Variants in CEP128 observed in about 807,000 individuals in gnomAD.
CEP128 encodes the protein centrosomal protein 128kDa.
In CEP128, 132 loss-of-function variants were observed where a neutral mutation model predicts 156.7. That is an observed-to-expected ratio of 0.84 (90% CI 0.73 to 0.97). The LOEUF is 0.97. Ranked by LOEUF, CEP128 falls within the 50% of genes least tolerant of loss-of-function variation. The probability of loss-of-function intolerance (pLI) is 0.00; values close to 1 mark genes in which losing one functional copy is unlikely to be tolerated. For synonymous variants in CEP128, 469 were observed against 448.9 expected (o/e 1.04, Z -0.57); for missense variants, 1,252 against 1,281.9 (o/e 0.98, Z 0.36).
At chr14:80,831,723 C>G (rs1437588231) in intron 12 of CEP128, among the ~76,000 whole-genome samples, 1 of 152,006 alleles carries the variant, frequency 6.6e-6, no homozygotes, top group Non-Finnish European at 1.5e-5. Context: ...TTGTGTATGA[C>G]CAACCAATTT....
intron 19 of CEP128, among the ~76,000 whole-genome samples, chr14:80,724,759 TA>T (rs1199362807): frequency 1.3e-5 from 2 of 151,936 alleles, no homozygotes; most frequent in Non-Finnish European, 2.9e-5. Context: ...AAGATGTTTA[TA>T]AATGTGTTTT....
intron 19 of CEP128, among the ~76,000 whole-genome samples, chr14:80,655,424 C>G (rs1177514765): frequency 6.6e-6 from 1 of 152,182 alleles, no homozygotes; most frequent in Non-Finnish European, 1.5e-5. Context: ...CTTTTCTCCA[C>G]TAATAGCCTA....
upstream of CEP128, among the ~76,000 whole-genome samples, chr14:80,946,118 G>C (rs935479709): frequency 1.3e-5 from 2 of 152,066 alleles, no homozygotes; most frequent in Admixed American, 6.5e-5. Context: ...GAGGTGTTTG[G>C]GGGATAAAAT....
chr14:80,664,570 T>C (rs1895535571), intron 19 of CEP128, among the ~76,000 whole-genome samples: 2 of 152,090 alleles, frequency 1.3e-5, no homozygotes, highest in African/African-American at 2.4e-5. Context: ...CTCTAAGAGG[T>C]TGACATTATT....
At chr14:80,640,378 T>C (rs1404114131) in intron 19 of CEP128, among the ~76,000 whole-genome samples, 1 of 152,158 alleles carries the variant, frequency 6.6e-6, no homozygotes, top group African/African-American at 2.4e-5. Flanking sequence ...GACTGTCTCA[T>C]TTTCTATTAA....
At chr14:80,633,162 G>C (rs1894034263) in intron 19 of CEP128, among the ~76,000 whole-genome samples, 1 of 127,488 alleles carries the variant, frequency 7.8e-6, no homozygotes, top group South Asian at 2.4e-4. Context: ...AGAAGGTCAA[G>C]GTTGCCTTGA....
chr14:80,805,769 A>C (rs927669234), intron 13 of CEP128, among the ~76,000 whole-genome samples: 3 of 152,228 alleles, frequency 2.0e-5, no homozygotes, highest in Non-Finnish European at 4.4e-5. Context: ...GTCTCTTTGA[A>C]TAAAAGAACT....
At chr14:80,779,304 T>C (rs1212520130) in intron 15 of CEP128, among the ~76,000 whole-genome samples, 2 of 152,132 alleles carry the variant, frequency 1.3e-5, no homozygotes, top group African/African-American at 4.8e-5. Context: ...GTTTTGTGAG[T>C]TTTAGACAAA....
chr14:80,552,635 T>C (rs1208712383), intron 21 of CEP128, among the ~76,000 whole-genome samples: 1 of 152,216 alleles, frequency 6.6e-6, no homozygotes, highest in Admixed American at 6.5e-5. Flanking sequence ...AATGACAATC[T>C]GTGGTTTTAA....
At chr14:80,799,411 A>G (rs1489343161) in intron 13 of CEP128, among the ~76,000 whole-genome samples, 1 of 152,184 alleles carries the variant, frequency 6.6e-6, no homozygotes, top group Non-Finnish European at 1.5e-5. Flanking sequence ...ATTGTAAAAT[A>G]TGTGTGTTTG....
chr14:80,539,122 T>C (rs948077232), intron 21 of CEP128, among the ~76,000 whole-genome samples: 51 of 152,246 alleles, frequency 3.3e-4, no homozygotes, highest in African/African-American at 1.2e-3. Flanking sequence ...CCTCAGACAC[T>C]GTTCTAGAGG....
At position 80,899,823 on chromosome 14, in the gene CEP128, G is replaced by T. The variant is rs1883425581; in HGVS notation, c.572+115C>A. On this transcript the variant is annotated intron_variant, in intron 7 of 24. Transcript: ENST00000555265. ...AACTGTTCTGTTAATAAATTTTAAG[G>T]TACTGTATACAAACACAACATTTTT... 4.6e-6 allele frequency: 3 copies of T among 650,538 alleles called. No individual in the cohort carries two copies. In the African/African-American group the frequency reaches 5.4e-5, roughly 12 times the overall value. 40.3% of individuals were successfully genotyped at this position (650,538 alleles called of 1,614,324 possible).
intron 19 of CEP128, among the ~76,000 whole-genome samples, chr14:80,609,507 C>A (rs1892912734): frequency 6.6e-6 from 1 of 152,132 alleles, no homozygotes; most frequent in Non-Finnish European, 1.5e-5. Flanking sequence ...GTCCATTTTC[C>A]CACATGGTGA....
chr14:80,902,760 T>G (rs964532729), intron 6 of CEP128, among the ~76,000 whole-genome samples: 1 of 152,038 alleles, frequency 6.6e-6, no homozygotes, highest in Non-Finnish European at 1.5e-5. Context: ...ACACTAATGG[T>G]AGAAAAATCA....
chr14:80,829,200 A>G (rs1306688105), intron 13 of CEP128, among the ~76,000 whole-genome samples: 1 of 152,226 alleles, frequency 6.6e-6, no homozygotes, highest in Non-Finnish European at 1.5e-5. Context: ...ACTAAATCAG[A>G]AACAGCTGCA....
chr14:80,931,728 G>C (rs1234896772), intron 2 of CEP128, among the ~76,000 whole-genome samples: 1 of 152,228 alleles, frequency 6.6e-6, no homozygotes, highest in South Asian at 2.1e-4. Flanking sequence ...GTTCAAGTCA[G>C]CAGATAAAGT....
Position 80,831,273 on chromosome 14 carries a change from TC to T in CEP128, c.1078del (p.Asp360ThrfsTer9), listed in dbSNP as rs773690766. 1.2e-6 allele frequency: 2 copies of T among 1,614,004 alleles called. No individual in the cohort carries two copies. The highest frequency in any genetic ancestry group is 2.2e-5 in the South Asian group (2 of 91,070). On this transcript the variant is annotated frameshift_variant, in exon 13 of 25. Coordinates refer to ENST00000555265, the MANE Select transcript of CEP128 (RefSeq NM_152446.5). LOFTEE classifies it high-confidence loss of function. ...FRRGVEREKQ[D>X]LEKQMSDLRV... is the part of the protein sequence containing the mutation. ...CAAATCTGACATTTGCTTCTCCAGG[TC>T]CTGTTTTTCCCGCTCAACCCCTTAA...
At chr14:80,956,407 T>C (rs544989412) in intron 2 of CEP128, among the ~76,000 whole-genome samples, 3 of 152,296 alleles carry the variant, frequency 2.0e-5, no homozygotes, top group African/African-American at 7.2e-5. Context: ...GCCAGTGAAA[T>C]AGTACGTCCA....
At chr14:80,815,299 C>T (rs550009406) in intron 13 of CEP128, among the ~76,000 whole-genome samples, 2 of 152,094 alleles carry the variant, frequency 1.3e-5, no homozygotes, top group Admixed American at 1.3e-4. Context: ...ACATGGCCAA[C>T]AAGCATATGA....
Sources: allele counts gnomAD v4.1 joint callset (sites outside exome capture counted in the v4.1 genomes callset), GRCh38; gene constraint gnomAD v4.1.1; transcripts MANE v1.5; gene names NCBI Gene and HGNC (gene_info 2026-07-23, HGNC 2026-07-21).